Variants in RNF150 observed in about 807,000 individuals in gnomAD.
RNF150 encodes ring finger protein 150.
A neutral mutation model predicts 39.3 loss-of-function variants in RNF150; 24 were observed. That is an observed-to-expected ratio of 0.61 (90% CI 0.44 to 0.86). The LOEUF (loss-of-function observed/expected upper bound fraction) is 0.86, where lower values mean the gene tolerates loss of function less well. RNF150 is among the 40% of genes least tolerant of loss of function. The probability of loss-of-function intolerance (pLI) is 0.00; values close to 1 mark genes in which losing one functional copy is unlikely to be tolerated. For synonymous variants in RNF150, 255 were observed against 227.3 expected (o/e 1.12, Z -1.10); for missense variants, 502 against 587.8 (o/e 0.85, Z 1.51).
intron 1 of RNF150, among the ~76,000 whole-genome samples, chr4:141,008,871 T>C (rs1393602365): frequency 2.0e-5 from 3 of 151,968 alleles, no homozygotes; most frequent in Admixed American, 2.0e-4. Context: ...TCTTCAGCAT[T>C]ATCCAGGTTA....
intron 2 of RNF150, among the ~76,000 whole-genome samples, chr4:140,962,093 T>C (rs771033882): frequency 1.4e-4 from 21 of 151,222 alleles, no homozygotes; most frequent in Non-Finnish European, 3.0e-4. Flanking sequence ...TCTCTCTCTC[T>C]CTACACACAC....
intron 5 of RNF150, among the ~76,000 whole-genome samples, chr4:140,923,256 A>G (rs1731236069): frequency 6.6e-6 from 1 of 152,170 alleles, no homozygotes; most frequent in Non-Finnish European, 1.5e-5. Context: ...TCTACAATGA[A>G]CTCAAACAAA....
At chr4:140,985,596 A>G (rs1474550715) in intron 1 of RNF150, among the ~76,000 whole-genome samples, 1 of 152,150 alleles carries the variant, frequency 6.6e-6, no homozygotes, top group East Asian at 1.9e-4. Flanking sequence ...ATGTAAATAT[A>G]GATCAAGTAT....
intron 4 of RNF150, among the ~76,000 whole-genome samples, chr4:140,946,059 T>G (rs955770186): frequency 2.0e-5 from 3 of 152,222 alleles, no homozygotes; most frequent in Admixed American, 1.3e-4. Context: ...AGAACTTACA[T>G]AGCGAATCCT....
chr4:140,989,268 G>T (rs1734114424), intron 1 of RNF150, among the ~76,000 whole-genome samples: 1 of 152,030 alleles, frequency 6.6e-6, no homozygotes, highest in African/African-American at 2.4e-5. Flanking sequence ...TAAAAGCAGG[G>T]CTTTATTATT....
rs139059288 is a variant in RNF150, at chr4:141,155,757, G to A, written c.-6+57037C>T. Among the ~76,000 whole-genome samples, 309 of 152,244 alleles carry A rather than the reference G, an allele frequency of 2.0e-3. 3 individuals carry two copies. The highest frequency in any genetic ancestry group is 7.1e-3 in the African/African-American group (293 of 41,556). ...GCCCAGTCCTGTAAACAGCCAGAACGAGTCCATGGTGCGTGGTCTCTCACC... is the reference window on the plus strand; with the variant it reads ...GCCCAGTCCTGTAAACAGCCAGAACAAGTCCATGGTGCGTGGTCTCTCACC... On this transcript the variant is annotated intron_variant, in intron 1 of 7. Coordinates refer to the RNF150 transcript ENST00000420921.
intron 1 of RNF150, among the ~76,000 whole-genome samples, chr4:141,050,229 A>AT (rs879732164): frequency 5.3e-5 from 8 of 151,432 alleles, no homozygotes; most frequent in South Asian, 4.2e-4. Flanking sequence ...GATTTTTATT[A>AT]TTTTTTTTTC....
rs1401091845 is a variant in RNF150 at position 140,860,238 on chromosome 4, T to C, written c.*8023A>G. ...GGTGGGGAAGAAGGAAAGAAATTTATACAGAAAAAATTTAAAAAACTACAC... is the reference window on the plus strand; with the variant it reads ...GGTGGGGAAGAAGGAAAGAAATTTACACAGAAAAAATTTAAAAAACTACAC... On this transcript the variant is annotated 3_prime_UTR_variant, in exon 7 of 7. Transcript: ENST00000515673. 2 of 151,976 alleles carry C rather than the reference T, an allele frequency of 1.3e-5. No homozygotes were observed. Among genetic ancestry groups the C allele is most frequent in the Admixed American group, 6.6e-5 (1 of 15,266 alleles). 9.4% of individuals were successfully genotyped at this position (151,976 alleles called of 1,614,324 possible).
At chr4:141,188,925 C>G (rs184646776) in intron 1 of RNF150, among the ~76,000 whole-genome samples, 3 of 152,140 alleles carry the variant, frequency 2.0e-5, no homozygotes, top group African/African-American at 7.2e-5. Context: ...CCCTTGCTGG[C>G]GAGGAGTTAT....
intron 1 of RNF150, among the ~76,000 whole-genome samples, chr4:141,059,749 TTCTA>T (rs1274557006): frequency 1.3e-5 from 2 of 152,132 alleles, no homozygotes; most frequent in African/African-American, 4.8e-5. Context: ...AAAAGAAACC[TTCTA>T]TCTAAGTAAT....
At chr4:141,156,120 G>A (rs2111149417) in intron 1 of RNF150, among the ~76,000 whole-genome samples, 1 of 150,892 alleles carries the variant, frequency 6.6e-6, no homozygotes, top group Middle Eastern at 3.4e-3. Context: ...GAGGCAACAT[G>A]GACCTTCCAT....
Position 141,007,672 on chromosome 4 carries a change from A to G in RNF150, c.485-39799T>C, listed in dbSNP as rs146556426. Among the ~76,000 whole-genome samples the G allele has an allele frequency of 5.3e-5, 8 of 152,334 alleles. No individual in the cohort carries two copies. The East Asian group carries it at 1.5e-3, about 29-fold the overall frequency. On this transcript the variant is annotated intron_variant, in intron 1 of 6. Coordinates refer to ENST00000515673, the MANE Select transcript of RNF150 (RefSeq NM_020724.2). The stretch of plus-strand genomic sequence containing the variant: ...AAAGATTTAAACGTTTCATTTGACC[A>G]AAGGCAGATTCAAAAGTTGATATGG...
intron 1 of RNF150, among the ~76,000 whole-genome samples, chr4:141,031,393 A>C (rs776119482): frequency 6.6e-6 from 1 of 152,144 alleles, no homozygotes; most frequent in Non-Finnish European, 1.5e-5. Flanking sequence ...CAAAAGCAAA[A>C]ATAGACAAAT....
intron 1 of RNF150, among the ~76,000 whole-genome samples, chr4:141,148,997 G>A (rs1324044802): frequency 6.6e-6 from 1 of 152,106 alleles, no homozygotes; most frequent in East Asian, 1.9e-4. Flanking sequence ...GGGATTGAGT[G>A]GGGAACAAAA....
At chr4:141,105,013 C>T (rs558363727) in intron 1 of RNF150, among the ~76,000 whole-genome samples, 4 of 152,234 alleles carry the variant, frequency 2.6e-5, no homozygotes, top group Non-Finnish European at 4.4e-5. Context: ...AGTGACTATG[C>T]GTTGCCCTCA....
Position 140,863,122 on chromosome 4 carries a change from C to G in RNF150, c.*5139G>C, listed in dbSNP as rs552021371. Reference sequence around the variant, plus strand: ...CCTCAGATCACTTACGATGAGCAAGCACTTGTGCTAAGTAGTTAGGAAGAA... The same window carrying G: ...CCTCAGATCACTTACGATGAGCAAGGACTTGTGCTAAGTAGTTAGGAAGAA... On this transcript the variant is annotated 3_prime_UTR_variant, in exon 7 of 7. Transcript: ENST00000515673. 2 of 152,282 alleles carry G rather than the reference C, an allele frequency of 1.3e-5. No individual in the cohort carries two copies. The highest frequency in any genetic ancestry group is 4.8e-5 in the African/African-American group (2 of 41,538). The allele number at this position is 152,282 out of a possible 1,614,324, so 9.4% of individuals were successfully genotyped here.
At chr4:141,166,829 C>T (rs969872532) in intron 1 of RNF150, among the ~76,000 whole-genome samples, 1 of 152,042 alleles carries the variant, frequency 6.6e-6, no homozygotes, top group Non-Finnish European at 1.5e-5. Flanking sequence ...AAACCCACAG[C>T]CAATATAATA....
In RNF150 at chr4:140,864,871, T is replaced by C. The variant is rs1188414824; in HGVS notation, c.*3390A>G. ...CAAATGGTCATGGACATCAATGATA[T>C]GGTTAGAAAGTTCAAGCAGAAATTT... On this transcript the variant is annotated 3_prime_UTR_variant, in exon 7 of 7. Coordinates refer to ENST00000515673, the MANE Select transcript of RNF150 (RefSeq NM_020724.2). 6.6e-6 allele frequency: 1 copy of C among 152,138 alleles called. No individual in the cohort carries two copies. Among genetic ancestry groups the C allele is most frequent in the Non-Finnish European group, 1.5e-5 (1 of 68,038 alleles). 9.4% of individuals were successfully genotyped at this position (152,138 alleles called of 1,614,324 possible).
At chr4:141,089,476 T>C (rs1019663689) in intron 1 of RNF150, among the ~76,000 whole-genome samples, 1 of 152,122 alleles carries the variant, frequency 6.6e-6, no homozygotes, top group Non-Finnish European at 1.5e-5. Context: ...AAAATAAAAG[T>C]GACCGAAAAC....
Sources: gnomAD v4.1 joint callset for allele counts (sites outside exome capture counted in the v4.1 genomes callset) on GRCh38, gnomAD v4.1.1 for gene constraint, MANE v1.5 for transcripts, NCBI Gene and HGNC (gene_info 2026-07-23, HGNC 2026-07-21) for gene names.